The following METTL15 variants were observed in gnomAD, a reference collection of about 807,000 sequenced individuals.
METTL15 encodes the protein methyltransferase 15, mitochondrial 12S rRNA N4-cytidine.
A neutral mutation model predicts 38.3 loss-of-function variants in METTL15; 34 were observed. The observed-to-expected ratio is 0.89, with a 90% CI of 0.68 to 1.18. The LOEUF (loss-of-function observed/expected upper bound fraction) is 1.18. Among genes scored for constraint, METTL15 ranks in the 50% most tolerant of loss-of-function variants. The probability of loss-of-function intolerance (pLI) is 0.00; values close to 1 mark genes in which losing one functional copy is unlikely to be tolerated. For synonymous variants in METTL15, 162 were observed against 170.9 expected (o/e 0.95, Z 0.41); for missense variants, 438 against 498.4 (o/e 0.88, Z 1.15).
At chr11:28,391,678 G>C (rs1850510013) in intron 5 of METTL15, among the ~76,000 whole-genome samples, 1 of 152,208 alleles carries the variant, frequency 6.6e-6, no homozygotes, top group East Asian at 2.0e-4. Flanking sequence ...ACAACTATCT[G>C]ATCTTTGGCA....
intron 5 of METTL15, among the ~76,000 whole-genome samples, chr11:28,374,630 C>T (rs1486313685): frequency 6.9e-6 from 1 of 144,566 alleles, no homozygotes; most frequent in Non-Finnish European, 1.5e-5. Flanking sequence ...ATTTGACTTC[C>T]TCTTTTCCTA....
intron 6 of METTL15, among the ~76,000 whole-genome samples, chr11:28,522,324 TG>T (rs1851771550): frequency 6.6e-6 from 1 of 152,218 alleles, no homozygotes; most frequent in South Asian, 2.1e-4. Context: ...GACATAATTA[TG>T]GAGGCTGGCA....
chr11:28,336,647 T>TAAAAAATTCCTGCA (rs1849903428), downstream of METTL15, among the ~76,000 whole-genome samples: 2 of 152,176 alleles, frequency 1.3e-5, no homozygotes, highest in South Asian at 4.1e-4. Flanking sequence ...ATAATGGAGC[T>TAAAAAATTCCTGCA]AAAAAATTCC....
At chr11:28,487,821 G>C (rs1424619407) in intron 6 of METTL15, among the ~76,000 whole-genome samples, 1 of 152,102 alleles carries the variant, frequency 6.6e-6, no homozygotes, top group Non-Finnish European at 1.5e-5. Context: ...ATGTTGAATT[G>C]CATGAAGTAT....
At chr11:28,161,660 A>G (rs1850468905) in intron 3 of METTL15, among the ~76,000 whole-genome samples, 1 of 152,138 alleles carries the variant, frequency 6.6e-6, no homozygotes, top group South Asian at 2.1e-4. Context: ...CTAATTGTCT[A>G]GGTTGTCGTA....
intron 2 of METTL15, among the ~76,000 whole-genome samples, chr11:28,112,709 A>G (rs1434454942): frequency 6.6e-6 from 1 of 152,146 alleles, no homozygotes; most frequent in African/African-American, 2.4e-5. Flanking sequence ...TTAAACTGAT[A>G]TACACTCCAC....
At chr11:28,213,216 C>G (rs1243088852) in intron 4 of METTL15, among the ~76,000 whole-genome samples, 3 of 151,348 alleles carry the variant, frequency 2.0e-5, no homozygotes, top group African/African-American at 4.9e-5. Context: ...AACAAGGAAA[C>G]AAATCAGAGT....
At chr11:28,488,762 A>G (rs1371697493) in intron 6 of METTL15, among the ~76,000 whole-genome samples, 1 of 152,152 alleles carries the variant, frequency 6.6e-6, no homozygotes, top group Non-Finnish European at 1.5e-5. Flanking sequence ...CTGATTCTAA[A>G]TAAGTCTGAC....
chr11:28,486,567 TTAA>T (rs1851441229), intron 6 of METTL15, among the ~76,000 whole-genome samples: 1 of 152,130 alleles, frequency 6.6e-6, no homozygotes, highest in Non-Finnish European at 1.5e-5. Flanking sequence ...GCCAGGATTG[TTAA>T]TAAAGCCTGC....
intron 6 of METTL15, among the ~76,000 whole-genome samples, chr11:28,313,995 A>G (rs1469182194): frequency 2.6e-5 from 4 of 152,160 alleles, no homozygotes; most frequent in Non-Finnish European, 5.9e-5. Context: ...TTCTACAGCA[A>G]TTTAGTGGTA....
At chr11:28,159,214 C>A (rs1248220528) in intron 3 of METTL15, among the ~76,000 whole-genome samples, 1 of 152,152 alleles carries the variant, frequency 6.6e-6, no homozygotes, top group South Asian at 2.1e-4. Context: ...AAGGGAGATA[C>A]AGTGTTGGCT....
At chr11:28,456,503 G>C (rs150453169) in intron 6 of METTL15, among the ~76,000 whole-genome samples, 86 of 151,478 alleles carry the variant, frequency 5.7e-4, no homozygotes, top group South Asian at 1.3e-3. Flanking sequence ...GTGCAGTGGC[G>C]CGATCTCAGC....
intron 3 of METTL15, among the ~76,000 whole-genome samples, chr11:28,154,937 C>G (rs937004709): frequency 8.5e-5 from 13 of 152,092 alleles, no homozygotes; most frequent in African/African-American, 2.4e-4. Flanking sequence ...TGAGACAAAA[C>G]TGGGCAAGTT....
intron 5 of METTL15, among the ~76,000 whole-genome samples, chr11:28,416,499 G>T (rs1176372427): frequency 1.3e-5 from 2 of 152,168 alleles, no homozygotes; most frequent in African/African-American, 4.8e-5. Flanking sequence ...TCCATGTAAA[G>T]GTTCTGAAGT....
chr11:28,188,454 A>G (rs1565152369), intron 3 of METTL15, among the ~76,000 whole-genome samples: 1 of 151,272 alleles, frequency 6.6e-6, no homozygotes, highest in Non-Finnish European at 1.5e-5. Context: ...CTGAATGAAG[A>G]GTTGATGTAA....
In METTL15 at chr11:28,370,701, A is replaced by G. The variant is rs569347749; in HGVS notation, c.*358+8665A>G. On this transcript the variant is annotated intron_variant and NMD_transcript_variant, in intron 5 of 7. Transcript: ENST00000532947. The stretch of plus-strand genomic sequence containing the variant: ...TGTACTAGGGTTTCCTTTTCTCCAC[A>G]TCTTCATCAGCATACATTATTCCCT... Among the ~76,000 whole-genome samples, 3 of 152,002 alleles carry G rather than the reference A, an allele frequency of 2.0e-5. No individual in the cohort carries two copies. The East Asian group carries it at 5.8e-4, about 29-fold the overall frequency.
chr11:28,415,904 G>T (rs1026091090), intron 5 of METTL15, among the ~76,000 whole-genome samples: 2 of 152,112 alleles, frequency 1.3e-5, no homozygotes, highest in Admixed American at 1.3e-4. Flanking sequence ...GAGGGAGAAA[G>T]AACTAAGCAG....
chr11:28,493,337 A>G (rs181929716), intron 6 of METTL15, among the ~76,000 whole-genome samples: 7 of 152,260 alleles, frequency 4.6e-5, no homozygotes, highest in African/African-American at 1.7e-4. Flanking sequence ...TCTCATCTGA[A>G]CTGTTGGGCC....
rs1038710646 is a variant in METTL15, at chr11:28,225,116, T to G, written c.407+13918T>G. Among the ~76,000 whole-genome samples, 5 of 151,988 alleles carry G rather than the reference T, an allele frequency of 3.3e-5. No individual in the cohort carries two copies. In the South Asian group the frequency reaches 8.3e-4, roughly 25 times the overall value. ...GTAATACTCCTTTATTTGTATTTTT[T>G]CTTCTGCTATCTTACTTCTTGGCTC... On this transcript the variant is annotated intron_variant, in intron 4 of 6. Transcript: ENST00000407364.
Sources: allele counts gnomAD v4.1 joint callset (sites outside exome capture counted in the v4.1 genomes callset), GRCh38; gene constraint gnomAD v4.1.1; transcripts MANE v1.5; gene names NCBI Gene and HGNC (gene_info 2026-07-23, HGNC 2026-07-21).